GNG7: variants seen among roughly 807,000 people sequenced by gnomAD.
The protein encoded by GNG7 is guanine nucleotide-binding protein G(I)/G(S)/G(O) subunit gamma-7.
In GNG7, 1 loss-of-function variant was observed where a neutral mutation model predicts 4.0. The ratio of observed to expected loss-of-function variants is 0.25; its 90% confidence interval spans 0.09 to 1.18. The LOEUF (loss-of-function observed/expected upper bound fraction) is 1.18. Ranked by LOEUF, GNG7 falls within the 50% of genes most tolerant of loss-of-function variation. The pLI, the probability that GNG7 is intolerant of heterozygous loss-of-function variation, is 0.50. For missense variants in GNG7, 86 were observed against 91.9 expected, an observed-to-expected ratio of 0.94 and a Z score of 0.26; for synonymous variants, 34 against 36.9, an observed-to-expected ratio of 0.92 and a Z score of 0.29.
Position 2,540,934 on chromosome 19 carries a change from G to A in GNG7, c.-38+14215C>T, listed in dbSNP as rs528830073. On this transcript the variant is annotated intron_variant, in intron 3 of 4. Transcript: ENST00000382159. ...CGGCTCGATAAACCGACCAGGAGCC[G>A]CCGCCGCCAGGGCCATCTTCTCACC... 3.1e-3 allele frequency among the ~76,000 whole-genome samples: 467 copies of A among 152,326 alleles called. 3 individuals are homozygous for A. Among genetic ancestry groups the A allele is most frequent in the Middle Eastern group, 0.031 (9 of 294 alleles).
At chr19:2,672,806 C>T (rs1983489003) in intron 1 of GNG7, among the ~76,000 whole-genome samples, 1 of 152,156 alleles carries the variant, frequency 6.6e-6, no homozygotes, top group East Asian at 1.9e-4. Flanking sequence ...TGGGTTCTAC[C>T]TTGGCCAGGT....
chr19:2,570,040 G>A (rs1220323179), intron 2 of GNG7, among the ~76,000 whole-genome samples: 1 of 150,060 alleles, frequency 6.7e-6, no homozygotes, highest in Non-Finnish European at 1.5e-5. Context: ...GGCGGCATTT[G>A]GGTTGTGGCG....
At position 2,513,086 on chromosome 19, in the gene GNG7, T is replaced by C. The variant is rs1410765396; in HGVS notation, c.*1936A>G. ...GGGTGGGGAGCCCGGCTGTGGCCTG[T>C]GGGAGCTGCCCGAGGTTGAGGAGTG... On this transcript the variant is annotated 3_prime_UTR_variant, in exon 5 of 5. Transcript: ENST00000382159. 1.0e-6 allele frequency: 1 copy of C among 985,566 alleles called. No homozygotes were observed. 61.1% of individuals were successfully genotyped at this position (985,566 alleles called of 1,614,324 possible).
intron 1 of GNG7, among the ~76,000 whole-genome samples, chr19:2,655,721 C>A (rs1291890327): frequency 6.6e-6 from 1 of 151,392 alleles, no homozygotes; most frequent in Non-Finnish European, 1.5e-5. Context: ...CGCCTGTAGT[C>A]CCAGCTACTC....
chr19:2,540,858 G>A (rs575907973), intron 3 of GNG7, among the ~76,000 whole-genome samples: 20 of 152,308 alleles, frequency 1.3e-4, no homozygotes, highest in African/African-American at 4.6e-4. Context: ...AGAGGCTGGC[G>A]GTGGCTCTGA....
At chr19:2,569,604 G>A (rs1980084793) in intron 2 of GNG7, among the ~76,000 whole-genome samples, 1 of 152,142 alleles carries the variant, frequency 6.6e-6, no homozygotes, top group African/African-American at 2.4e-5. Context: ...CAAAAAGTGT[G>A]AGACATGACA....
chr19:2,657,695 T>A (rs1367705417), intron 1 of GNG7, among the ~76,000 whole-genome samples: 1 of 151,850 alleles, frequency 6.6e-6, no homozygotes, highest in Non-Finnish European at 1.5e-5. Flanking sequence ...TTTAAAAAAA[T>A]TTTGTTTCTG....
intron 1 of GNG7, among the ~76,000 whole-genome samples, chr19:2,693,827 T>C (rs1913186563): frequency 6.6e-6 from 1 of 152,048 alleles, no homozygotes; most frequent in African/African-American, 2.4e-5. Context: ...GATAAATGCG[T>C]CAAGGGTTAA....
intron 3 of GNG7, among the ~76,000 whole-genome samples, chr19:2,521,052 G>A (rs2041182): frequency 0.019 from 2,885 of 151,178 alleles, 78 homozygotes; most frequent in African/African-American, 0.067. Flanking sequence ...TCAGGAGATC[G>A]AGACCATCCT....
chr19:2,660,094 A>G lies in GNG7; in HGVS notation c.-134-13814T>C, dbSNP rs147625794. On this transcript the variant is annotated intron_variant, in intron 1 of 4. Transcript: ENST00000382159. ...AGCAGTCCTCATGGAATCCGTCCCA[A>G]TTAGCCTCTGTCGGATTACTCACAG... is the stretch of plus-strand genomic sequence containing the variant. Among the ~76,000 whole-genome samples, 142 of 152,302 alleles carry G rather than the reference A, an allele frequency of 9.3e-4. 1 individual carries two copies. The East Asian group carries it at 0.024, about 25-fold the overall frequency.
chr19:2,688,159 A>G (rs562225348), intron 1 of GNG7, among the ~76,000 whole-genome samples: 1 of 152,324 alleles, frequency 6.6e-6, no homozygotes, highest in Non-Finnish European at 1.5e-5. Flanking sequence ...AGGCTGAGGC[A>G]GGAGAATGGT....
At chr19:2,668,490 C>T (rs114448130) in intron 1 of GNG7, among the ~76,000 whole-genome samples, 2,890 of 152,188 alleles carry the variant, frequency 0.019, 83 homozygotes, top group African/African-American at 0.065. Context: ...GGCTCGGTGA[C>T]GGCCACCAAG....
At chr19:2,562,710 C>A (rs894910257) in intron 2 of GNG7, among the ~76,000 whole-genome samples, 1 of 152,080 alleles carries the variant, frequency 6.6e-6, no homozygotes, top group Non-Finnish European at 1.5e-5. Context: ...TCGCTCCCAG[C>A]GTACACTGGA....
chr19:2,573,062 G>A (rs1031689733), intron 2 of GNG7, among the ~76,000 whole-genome samples: 4 of 130,454 alleles, frequency 3.1e-5, no homozygotes, highest in East Asian at 2.2e-4. Context: ...GTCTTGCCCC[G>A]TCGCCTAGGC....
rs1306563485 is a variant in GNG7, at chr19:2,644,285, T to A, written c.-78+1939A>T. 1.1e-3 allele frequency among the ~76,000 whole-genome samples: 103 copies of A among 97,844 alleles called. 2 individuals carry two copies. Among genetic ancestry groups the A allele is most frequent in the African/African-American group, 3.6e-3 (102 of 28,378 alleles). 64.2% of individuals were successfully genotyped at this position (97,844 alleles called of 152,430 possible). A position where few individuals can be genotyped will look rare whatever the true frequency, so the allele number is the denominator to read the frequency against. On this transcript the variant is annotated intron_variant, in intron 2 of 4. Coordinates refer to ENST00000382159, the MANE Select transcript of GNG7 (RefSeq NM_052847.3). Reference sequence around the variant, plus strand: ...ATCCACCTGCCTTGGCCTCCCAAAGTGCTGGGATTACAGGTGTGAGCCACT... The same window carrying A: ...ATCCACCTGCCTTGGCCTCCCAAAGAGCTGGGATTACAGGTGTGAGCCACT...
rs187213093 is a variant in GNG7, at chr19:2,553,595, T to C, written c.-38+1554A>G. On this transcript the variant is annotated intron_variant, in intron 3 of 4. Coordinates refer to ENST00000382159, the MANE Select transcript of GNG7 (RefSeq NM_052847.3). Reference sequence around the variant, plus strand: ...AATCATATCACATACACGCACATATTACATGCAATATATCATACTACATAC... The same window carrying C: ...AATCATATCACATACACGCACATATCACATGCAATATATCATACTACATAC... Among the ~76,000 whole-genome samples the C allele has an allele frequency of 3.9e-3, 587 of 149,036 alleles. 3 individuals are homozygous for C. The highest frequency in any genetic ancestry group is 7.0e-3 in the Non-Finnish European group (470 of 67,508).
At chr19:2,605,659 A>G (rs547103367) in intron 2 of GNG7, among the ~76,000 whole-genome samples, 6 of 150,158 alleles carry the variant, frequency 4.0e-5, no homozygotes, top group Admixed American at 6.6e-5. Context: ...GATTACAGGC[A>G]TGCGCCACCA....
chr19:2,564,718 G>A (rs1193870994), intron 2 of GNG7, among the ~76,000 whole-genome samples: 1 of 152,164 alleles, frequency 6.6e-6, no homozygotes, highest in Non-Finnish European at 1.5e-5. Flanking sequence ...AGGCCGGAAG[G>A]ACCCTGCCCC....
chr19:2,669,218 G>A (rs938474800), intron 1 of GNG7, among the ~76,000 whole-genome samples: 1 of 152,146 alleles, frequency 6.6e-6, no homozygotes, highest in African/African-American at 2.4e-5. Context: ...TGGGTTGGGC[G>A]CGGTGGCTCA....
Sources: allele counts gnomAD v4.1 joint callset (sites outside exome capture counted in the v4.1 genomes callset), GRCh38; gene constraint gnomAD v4.1.1; transcripts MANE v1.5; gene names NCBI Gene and HGNC (gene_info 2026-07-23, HGNC 2026-07-21).